GNG7: variants seen among roughly 807,000 people sequenced by gnomAD.
The protein encoded by GNG7 is guanine nucleotide-binding protein G(I)/G(S)/G(O) subunit gamma-7.
Under a neutral mutation model 4.0 loss-of-function variants are expected in GNG7, and 1 was observed. That is an observed-to-expected ratio of 0.25 (90% confidence interval 0.09 to 1.18). GNG7 has a LOEUF of 1.18. GNG7 is among the 50% of genes most tolerant of loss of function. The pLI, the probability that GNG7 is intolerant of heterozygous loss-of-function variation, is 0.50. For synonymous variants in GNG7, 34 were observed against 36.9 expected (o/e 0.92, Z 0.29); for missense variants, 86 against 91.9 (o/e 0.94, Z 0.26).
At position 2,600,468 on chromosome 19, in the gene GNG7, ATTT is replaced by A. The variant is rs35232310; in HGVS notation, c.-77-45283_-77-45281del. Among the ~76,000 whole-genome samples the A allele has an allele frequency of 3.9e-3, 469 of 120,310 alleles. 6 individuals are homozygous for A. The highest frequency in any genetic ancestry group is 0.013 in the African/African-American group (420 of 32,730). The allele number at this position is 120,310 out of a possible 152,430, so 78.9% of individuals were successfully genotyped here. On this transcript the variant is annotated intron_variant, in intron 2 of 4. Coordinates refer to ENST00000382159, the MANE Select transcript of GNG7 (RefSeq NM_052847.3). ...GGAAGGAGACCCAGAGTATCTTGGCATTTTTTTTTTTTTTTTTTTGTGAGATGG... is the reference window on the plus strand; with the variant it reads ...GGAAGGAGACCCAGAGTATCTTGGCATTTTTTTTTTTTTTTTGTGAGATGG...
intron 1 of GNG7, among the ~76,000 whole-genome samples, chr19:2,682,534 G>C (rs1479536663): frequency 6.6e-6 from 1 of 151,132 alleles, no homozygotes; most frequent in Non-Finnish European, 1.5e-5. Flanking sequence ...GTGGTGGCAC[G>C]CACCTGTAGT....
intron 1 of GNG7, among the ~76,000 whole-genome samples, chr19:2,669,594 C>T (rs1983398663): frequency 2.0e-5 from 3 of 152,240 alleles, no homozygotes; most frequent in Admixed American, 2.0e-4. Context: ...TGAAATACAG[C>T]CATGCCCGTT....
intron 2 of GNG7, among the ~76,000 whole-genome samples, chr19:2,570,738 A>G (rs752886902): frequency 2.4e-4 from 36 of 152,182 alleles, no homozygotes; most frequent in Non-Finnish European, 3.4e-4. Flanking sequence ...ATGGTAAAGG[A>G]CGTGAACCCA....
intron 2 of GNG7, among the ~76,000 whole-genome samples, chr19:2,636,421 A>G (rs1324124364): frequency 6.6e-6 from 1 of 152,096 alleles, no homozygotes; most frequent in Non-Finnish European, 1.5e-5. Context: ...GGGGGATGAC[A>G]GGCACCCCAG....
chr19:2,568,465 C>G (rs1160512715), intron 2 of GNG7, among the ~76,000 whole-genome samples: 1 of 137,964 alleles, frequency 7.2e-6, no homozygotes, highest in African/African-American at 2.5e-5. Context: ...CATACACACA[C>G]ACATGCACAT....
rs983866206 is a variant in GNG7 at position 2,614,750 on chromosome 19, G to GTGGCAAGGTTCTA, written c.-78+31461_-78+31473dup. Among the ~76,000 whole-genome samples, 2 of 152,154 alleles carry GTGGCAAGGTTCTA rather than the reference G, an allele frequency of 1.3e-5. No individual in the cohort carries two copies. Among genetic ancestry groups the GTGGCAAGGTTCTA allele is most frequent in the African/African-American group, 4.8e-5 (2 of 41,420 alleles). On this transcript the variant is annotated intron_variant, in intron 2 of 4. Transcript: ENST00000382159. This position sits in a 1 kb window ranked among gnomAD's most constrained non-coding sequence, Gnocchi z 6.0. ...TGTGAATCGTACTGTATGAACATTT[G>GTGGCAAGGTTCTA]TGGCAAGGTTCTATTTGAACACCTG...
At chr19:2,672,844 C>T (rs528547205) in intron 1 of GNG7, among the ~76,000 whole-genome samples, 13 of 152,284 alleles carry the variant, frequency 8.5e-5, no homozygotes, top group South Asian at 2.1e-4. Flanking sequence ...CCAGTGTGGA[C>T]GTCACGTGCC....
intron 1 of GNG7, among the ~76,000 whole-genome samples, chr19:2,671,493 C>G (rs1459421127): frequency 6.6e-6 from 1 of 152,128 alleles, no homozygotes; most frequent in African/African-American, 2.4e-5. Context: ...TCAGCCGCCT[C>G]CCCGAGACCC....
chr19:2,565,762 G>A (rs1270518026), intron 2 of GNG7, among the ~76,000 whole-genome samples: 1 of 152,210 alleles, frequency 6.6e-6, no homozygotes, highest in Non-Finnish European at 1.5e-5. Context: ...TCAGGGTGGA[G>A]GCTGTGTGAG....
intron 2 of GNG7, among the ~76,000 whole-genome samples, chr19:2,623,759 T>G (rs1355848106): frequency 6.6e-6 from 1 of 151,976 alleles, no homozygotes; most frequent in African/African-American, 2.4e-5. Flanking sequence ...CAGGTGCCTG[T>G]AATTCCAGCT....
intron 1 of GNG7, among the ~76,000 whole-genome samples, chr19:2,651,188 T>G (rs1426482637): frequency 6.6e-6 from 1 of 152,056 alleles, no homozygotes; most frequent in Non-Finnish European, 1.5e-5. Context: ...CCCTCCCCAC[T>G]GTGTCCTGGA....
At chr19:2,556,280 C>T (rs1461510325) in intron 2 of GNG7, among the ~76,000 whole-genome samples, 1 of 152,230 alleles carries the variant, frequency 6.6e-6, no homozygotes, top group Non-Finnish European at 1.5e-5. Context: ...CCCGTCCTGC[C>T]TAGCGGGGCT....
chr19:2,616,645 G>A (rs1981731520), intron 2 of GNG7, among the ~76,000 whole-genome samples: 4 of 151,992 alleles, frequency 2.6e-5, no homozygotes, highest in Admixed American at 1.3e-4. Flanking sequence ...GCATGGTGGC[G>A]GGTGCCTGTA....
At chr19:2,699,809 C>T (rs193237896) in intron 1 of GNG7, among the ~76,000 whole-genome samples, 10 of 152,262 alleles carry the variant, frequency 6.6e-5, no homozygotes, top group East Asian at 5.8e-4. Flanking sequence ...ATGTCCGCAG[C>T]GCTGGGATAG....
intron 1 of GNG7, among the ~76,000 whole-genome samples, chr19:2,665,010 G>C (rs1773332673): frequency 6.6e-6 from 1 of 152,028 alleles, no homozygotes; most frequent in Non-Finnish European, 1.5e-5. Flanking sequence ...CTGATCTTCT[G>C]TCCTGCTGAG....
At chr19:2,651,190 T>C (rs999833754) in intron 1 of GNG7, among the ~76,000 whole-genome samples, 1 of 152,062 alleles carries the variant, frequency 6.6e-6, no homozygotes, top group African/African-American at 2.4e-5. Flanking sequence ...CTCCCCACTG[T>C]GTCCTGGAGG....
At chr19:2,587,862 A>AAG in intron 2 of GNG7, among the ~76,000 whole-genome samples, 1 of 144,866 alleles carries the variant, frequency 6.9e-6, no homozygotes, top group South Asian at 2.3e-4. Context: ...AGAGAAAGAG[A>AAG]GAAGGAAGGA....
chr19:2,622,398 GC>G (rs1457821511), intron 2 of GNG7, among the ~76,000 whole-genome samples: 1 of 152,234 alleles, frequency 6.6e-6, no homozygotes, highest in Admixed American at 6.5e-5. Flanking sequence ...TTTTAAGCTT[GC>G]AAAGGGTGCG....
chr19:2,551,413 C>T (rs753392326), intron 3 of GNG7, among the ~76,000 whole-genome samples: 10 of 151,908 alleles, frequency 6.6e-5, no homozygotes, highest in South Asian at 6.2e-4. Context: ...GTGTGGGGGC[C>T]GGGACTAGGG....
Sources: allele counts gnomAD v4.1 joint callset (sites outside exome capture counted in the v4.1 genomes callset), GRCh38; gene constraint gnomAD v4.1.1; non-coding constraint Gnocchi (gnomAD v3.1); transcripts MANE v1.5; gene names NCBI Gene and HGNC (gene_info 2026-07-23, HGNC 2026-07-21).